XIAP: variants seen among roughly 807,000 people sequenced by gnomAD.
XIAP encodes the protein X-linked inhibitor of apoptosis, also known as E3 ubiquitin-protein ligase XIAP.
Under a neutral mutation model 33.1 loss-of-function variants are expected in XIAP, and 3 were observed. The ratio of observed to expected loss-of-function variants is 0.09; its 90% CI spans 0.04 to 0.23. XIAP has a LOEUF of 0.23. Among genes scored for constraint, XIAP ranks in the 10% least tolerant of loss-of-function variants. XIAP has a pLI of 1.00. For missense variants in XIAP, 264 were observed against 363.0 expected (o/e 0.73, Z 2.22); for synonymous variants, 98 against 121.3 (o/e 0.81, Z 1.26).
At chrX:123,874,801 TCTC>T (rs1285053577) in intron 1 of XIAP, among the ~76,000 whole-genome samples, 1 of 104,983 alleles carries the variant, frequency 9.5e-6, no homozygotes, top group African/African-American at 3.5e-5. Flanking sequence ...TTCAAACAAT[TCTC>T]CTGCCTCAGT....
chrX:123,871,352 C>T (rs1340403506), intron 1 of XIAP, among the ~76,000 whole-genome samples: 1 of 111,971 alleles, frequency 8.9e-6, no homozygotes, highest in Non-Finnish European at 1.9e-5. Flanking sequence ...TCATCCATGG[C>T]ATTTCTGGAA....
intron 4 of XIAP, among the ~76,000 whole-genome samples, chrX:123,891,643 CCTGT>C (rs1468368644): frequency 9.2e-6 from 1 of 109,124 alleles, no homozygotes; most frequent in Non-Finnish European, 1.9e-5. Flanking sequence ...ATAGTGAGAC[CCTGT>C]CTCTACAAAA....
intron 1 of XIAP, among the ~76,000 whole-genome samples, chrX:123,877,955 G>A (rs1325461621): frequency 2.9e-5 from 3 of 101,729 alleles, no homozygotes; most frequent in Admixed American, 2.1e-4. Flanking sequence ...GCCTGGGAGC[G>A]AGACTCCGTC....
intron 1 of XIAP, among the ~76,000 whole-genome samples, chrX:123,864,981 C>T (rs1172591758): frequency 5.2e-5 from 4 of 77,615 alleles, no homozygotes; most frequent in African/African-American, 2.3e-4. Context: ...CACACCAGGC[C>T]GCCTTTCTTC....
At chrX:123,876,578 G>A (rs557385820) in intron 1 of XIAP, among the ~76,000 whole-genome samples, 2 of 110,832 alleles carry the variant, frequency 1.8e-5, no homozygotes, top group South Asian at 7.6e-4. Context: ...GGTGGCATGT[G>A]GCTATAGTCC....
rs765638536 is a variant in XIAP, at chrX:123,866,461, AATTAT to A, written c.-33+6176_-33+6180del. Among the ~76,000 whole-genome samples, 421 of 97,011 alleles carry A rather than the reference AATTAT, an allele frequency of 4.3e-3. 3 individuals are homozygous for A. The highest frequency in any genetic ancestry group is 0.015 in the African/African-American group (378 of 25,915). 84.2% of individuals were successfully genotyped at this position (97,011 alleles called of 115,157 possible). A position where few individuals can be genotyped will look rare whatever the true frequency, so the allele number is the denominator to read the frequency against. On this transcript the variant is annotated intron_variant, in intron 1 of 6. Coordinates refer to ENST00000371199, the MANE Select transcript of XIAP (RefSeq NM_001167.4). ...CATGATATATAATATATATGATATA[AATTAT>A]ATTATATACAATATATTATATATGA...
At chrX:123,903,636 G>GTTTTTTTTTTTTTT (rs2053535242) in intron 6 of XIAP, among the ~76,000 whole-genome samples, 1 of 34,838 alleles carries the variant, frequency 2.9e-5, no homozygotes, top group African/African-American at 1.2e-4. Context: ...TTTTTGTTTT[G>GTTTTTTTTTTTTTT]TTTTTTGTTT....
chrX:123,893,856 G>GA (rs771456248), intron 5 of XIAP, among the ~76,000 whole-genome samples: 4 of 110,421 alleles, frequency 3.6e-5, no homozygotes, highest in East Asian at 5.7e-4. Flanking sequence ...GAAAATAAAA[G>GA]AAAAAAAAAT....
chrX:123,890,178 G>A (rs1279031458), intron 3 of XIAP, among the ~76,000 whole-genome samples: 3 of 101,242 alleles, frequency 3.0e-5, no homozygotes, highest in Non-Finnish European at 6.0e-5. Context: ...TACCACGCCC[G>A]GCTAATTTTT....
At chrX:123,905,155 T>A (rs1640821898) in intron 6 of XIAP, among the ~76,000 whole-genome samples, 1 of 111,619 alleles carries the variant, frequency 9.0e-6, no homozygotes, top group South Asian at 3.7e-4. Flanking sequence ...GATGTGATCA[T>A]ATCTGTCTCT....
chrX:123,882,853 A>G (rs765253395), intron 1 of XIAP, among the ~76,000 whole-genome samples: 1 of 112,198 alleles, frequency 8.9e-6, no homozygotes, highest in South Asian at 3.7e-4. Flanking sequence ...ATCTCAGCTC[A>G]CTGCAACCTC....
At chrX:123,864,172 A>G (rs1474262923) in intron 1 of XIAP, among the ~76,000 whole-genome samples, 2 of 110,880 alleles carry the variant, frequency 1.8e-5, no homozygotes, top group Non-Finnish European at 3.8e-5. Context: ...TACTAAATAA[A>G]TTTACTAATT....
chrX:123,882,482 CAT>C (rs2053312714), intron 1 of XIAP, among the ~76,000 whole-genome samples: 1 of 111,839 alleles, frequency 8.9e-6, no homozygotes, highest in South Asian at 3.7e-4. Context: ...AACTATTTCT[CAT>C]ATGGTATCAT....
chrX:123,877,151 C>T (rs1053987986), intron 1 of XIAP, among the ~76,000 whole-genome samples: 2 of 109,353 alleles, frequency 1.8e-5, no homozygotes, highest in African/African-American at 6.7e-5. Flanking sequence ...CTGCAACCCC[C>T]GCCTTCTGGG....
intron 5 of XIAP, among the ~76,000 whole-genome samples, chrX:123,897,325 G>C (rs1229644067): frequency 9.0e-6 from 1 of 111,684 alleles, no homozygotes; most frequent in Non-Finnish European, 1.9e-5. Context: ...GCCTAATCCA[G>C]GGTCACCAAG....
chrX:123,867,094 G>C (rs1276429524), intron 1 of XIAP, among the ~76,000 whole-genome samples: 1 of 74,946 alleles, frequency 1.3e-5, no homozygotes, highest in Non-Finnish European at 2.5e-5. Context: ...TTTTGAGACG[G>C]AGTCTCGCTC....
In XIAP at chrX:123,912,228, AGACC is replaced by A. The variant is rs1602568295; in HGVS notation, c.*5048_*5051del. 1 of 293,922 alleles carries A rather than the reference AGACC, an allele frequency of 3.4e-6. No homozygotes were observed. The highest frequency in any genetic ancestry group is 6.2e-6 in the Non-Finnish European group (1 of 160,272). The allele number at this position is 293,922 out of a possible 1,213,427, so 24.2% of individuals were successfully genotyped here. On this transcript the variant is annotated 3_prime_UTR_variant, in exon 7 of 7. Transcript: ENST00000371199. ...TTGAAAACACTGAGAAAAAAAAAAA[AGACC>A]ACACAATAAAAAAAAAAAATACAAA... is the stretch of plus-strand genomic sequence containing the variant.
chrX:123,880,725 A>G (rs2053294084), intron 1 of XIAP, among the ~76,000 whole-genome samples: 1 of 79,027 alleles, frequency 1.3e-5, no homozygotes, highest in African/African-American at 4.8e-5. Context: ...CCATAAGAGC[A>G]AAACTCTGTT....
At chrX:123,886,973 G>A (rs779909617) in intron 2 of XIAP, among the ~76,000 whole-genome samples, 19 of 112,048 alleles carry the variant, frequency 1.7e-4, no homozygotes, top group Non-Finnish European at 2.6e-4. Flanking sequence ...AGGCTGGAGT[G>A]CAATGGCGTG....
Sources: gnomAD v4.1 joint callset for allele counts (sites outside exome capture counted in the v4.1 genomes callset) on GRCh38, gnomAD v4.1.1 for gene constraint, MANE v1.5 for transcripts, NCBI Gene and HGNC (gene_info 2026-07-23, HGNC 2026-07-21) for gene names.